Variants in CDH4 observed in about 807,000 individuals in gnomAD.
The protein encoded by CDH4 is cadherin-4.
CDH4 carries 33 observed loss-of-function variants against 86.0 expected under a neutral mutation model. The ratio of observed to expected loss-of-function variants is 0.38; its 90% CI spans 0.29 to 0.51. The LOEUF (loss-of-function observed/expected upper bound fraction) is 0.51, where lower values mean the gene tolerates loss of function less well. Ranked by LOEUF, CDH4 falls within the 20% of genes least tolerant of loss-of-function variation. The pLI is 0.86. For missense variants in CDH4, 1,114 were observed against 1,307.4 expected (o/e 0.85, Z 2.28); for synonymous variants, 555 against 549.4 (o/e 1.01, Z -0.14).
At chr20:61,804,506 G>A (rs997107814) in intron 4 of CDH4, among the ~76,000 whole-genome samples, 4 of 152,184 alleles carry the variant, frequency 2.6e-5, no homozygotes, top group African/African-American at 9.7e-5. Context: ...CTGGACCTCT[G>A]AGCCACACCG....
intron 2 of CDH4, chr20:61,718,685 A>G (rs963138450): frequency 2.4e-6 from 1 of 413,248 alleles, no homozygotes. Context: ...AGGAGCCTGC[A>G]TGACACTGTG....
rs2087515563 is a variant in CDH4 at position 61,681,719 on chromosome 20, G to A, written c.170-61844G>A. Among the ~76,000 whole-genome samples, 1 of 152,224 alleles carries A rather than the reference G, an allele frequency of 6.6e-6. No homozygotes were observed. The highest frequency in any genetic ancestry group is 1.5e-5 in the Non-Finnish European group (1 of 68,034). ...GGCATCGGGAAAGTCCGGGCTCAGT[G>A]CATGTGGAGCTGCCACCCTAGAAAG... On this transcript the variant is annotated intron_variant, in intron 2 of 15. Transcript: ENST00000614565. The surrounding 1 kb of genome is among the most constrained non-coding windows in gnomAD (Gnocchi z 4.5).
chr20:61,294,758 G>A (rs2084342811), intron 2 of CDH4, among the ~76,000 whole-genome samples: 1 of 152,260 alleles, frequency 6.6e-6, no homozygotes, highest in Non-Finnish European at 1.5e-5. Flanking sequence ...CCTGACAACA[G>A]AGCTGAAAGC....
chr20:61,860,762 C>G (rs757765818), intron 6 of CDH4, among the ~76,000 whole-genome samples: 2 of 152,216 alleles, frequency 1.3e-5, no homozygotes, highest in Non-Finnish European at 2.9e-5. Flanking sequence ...CAAGCCACAG[C>G]TGGTTTCCCC....
intron 6 of CDH4, among the ~76,000 whole-genome samples, chr20:61,872,950 G>A (rs1269584209): frequency 6.6e-6 from 1 of 152,162 alleles, no homozygotes; most frequent in Non-Finnish European, 1.5e-5. Context: ...GGTGGGGCGT[G>A]CTGATGCAGG....
At chr20:61,648,652 C>T (rs746710382) in intron 2 of CDH4, among the ~76,000 whole-genome samples, 1 of 152,160 alleles carries the variant, frequency 6.6e-6, no homozygotes, top group African/African-American at 2.4e-5. Context: ...GGGTGAATGG[C>T]GAGAAGAGCT....
chr20:61,797,611 C>A (rs1406797631), intron 4 of CDH4, among the ~76,000 whole-genome samples: 1 of 151,258 alleles, frequency 6.6e-6, no homozygotes, highest in Admixed American at 6.6e-5. Flanking sequence ...ATAGCAAGAT[C>A]CCATCTCTAC....
At chr20:61,432,457 C>A (rs2085253104) in intron 2 of CDH4, among the ~76,000 whole-genome samples, 1 of 152,146 alleles carries the variant, frequency 6.6e-6, no homozygotes, top group African/African-American at 2.4e-5. Flanking sequence ...GTGTCTGTTT[C>A]CATCATTTAA....
chr20:61,684,405 G>A lies in CDH4; in HGVS notation c.170-59158G>A, dbSNP rs2087552124. ...CGTCTTGCTTATGCTGGTTAAGTAG[G>A]TCTGATGTTAACCAAGCCAAAATGC... On this transcript the variant is annotated intron_variant, in intron 2 of 15. Transcript: ENST00000614565. This position sits in a 1 kb window ranked among gnomAD's most constrained non-coding sequence, Gnocchi z 4.5. 6.6e-6 allele frequency among the ~76,000 whole-genome samples: 1 copy of A among 152,210 alleles called. No individual in the cohort carries two copies. The highest frequency in any genetic ancestry group is 2.1e-4 in the South Asian group (1 of 4,836).
At chr20:61,792,737 A>C (rs1421356396) in intron 4 of CDH4, among the ~76,000 whole-genome samples, 4 of 150,922 alleles carry the variant, frequency 2.7e-5, no homozygotes, top group Non-Finnish European at 5.9e-5. Flanking sequence ...TGCAACCTCC[A>C]CCTCCCAGGT....
At chr20:61,459,229 C>T (rs1380431983) in intron 2 of CDH4, among the ~76,000 whole-genome samples, 3 of 152,026 alleles carry the variant, frequency 2.0e-5, no homozygotes, top group African/African-American at 4.8e-5. Context: ...GTGGGAGTAT[C>T]GCTTTATCCC....
At chr20:61,929,388 T>G (rs2055080687) in intron 12 of CDH4, among the ~76,000 whole-genome samples, 1 of 152,210 alleles carries the variant, frequency 6.6e-6, no homozygotes, top group Non-Finnish European at 1.5e-5. Context: ...TCTGCCCACC[T>G]CAGCCTCCCA....
At chr20:61,779,072 C>T (rs1185209232) in intron 4 of CDH4, among the ~76,000 whole-genome samples, 1 of 152,174 alleles carries the variant, frequency 6.6e-6, no homozygotes, top group East Asian at 1.9e-4. Context: ...TTTAAAACGC[C>T]ACTTGCTTGG....
intron 2 of CDH4, among the ~76,000 whole-genome samples, chr20:61,314,800 C>T (rs963684191): frequency 6.6e-6 from 1 of 152,172 alleles, no homozygotes; most frequent in South Asian, 2.1e-4. Flanking sequence ...TTGTTATCCT[C>T]GTCGTTTTGA....
intron 2 of CDH4, among the ~76,000 whole-genome samples, chr20:61,635,339 T>C (rs1252487878): frequency 6.6e-6 from 1 of 152,124 alleles, no homozygotes; most frequent in Non-Finnish European, 1.5e-5. Context: ...TCCTAAGGAT[T>C]GTGAAATGGT....
At position 61,623,022 on chromosome 20, in the gene CDH4, CCAGT is replaced by C. The variant is rs2086792410; in HGVS notation, c.170-120538_170-120535del. On this transcript the variant is annotated intron_variant, in intron 2 of 15. Coordinates refer to ENST00000614565, the MANE Select transcript of CDH4 (RefSeq NM_001794.5). The surrounding 1 kb of genome is among the most constrained non-coding windows in gnomAD (Gnocchi z 4.4). ...GGCCTGTTACCAACATGGACCACAA[CCAGT>C]CATTTAAGACAGTCAGGGAAACAAA... 1.3e-5 allele frequency among the ~76,000 whole-genome samples: 2 copies of C among 152,170 alleles called. No homozygotes were observed. The highest frequency in any genetic ancestry group is 2.4e-5 in the African/African-American group (1 of 41,426).
At chr20:61,791,218 C>T (rs1221295587) in intron 4 of CDH4, among the ~76,000 whole-genome samples, 1 of 152,240 alleles carries the variant, frequency 6.6e-6, no homozygotes, top group Non-Finnish European at 1.5e-5. Context: ...GACAATTCTT[C>T]CAGGTGTTTG....
At chr20:61,590,598 GA>G (rs1449184786) in intron 2 of CDH4, among the ~76,000 whole-genome samples, 4 of 152,224 alleles carry the variant, frequency 2.6e-5, no homozygotes, top group Non-Finnish European at 4.4e-5. Context: ...CTAGGGAGGA[GA>G]GGGGGCTGGA....
chr20:61,805,939 C>T (rs541863022), intron 4 of CDH4, among the ~76,000 whole-genome samples: 46 of 152,296 alleles, frequency 3.0e-4, no homozygotes, highest in African/African-American at 5.3e-4. Flanking sequence ...ATCACTCACT[C>T]GGTGTCCACT....
Sources: gnomAD v4.1 joint callset for allele counts (sites outside exome capture counted in the v4.1 genomes callset) on GRCh38, gnomAD v4.1.1 for gene constraint, Gnocchi (gnomAD v3.1) non-coding constraint, MANE v1.5 for transcripts, NCBI Gene and HGNC (gene_info 2026-07-23, HGNC 2026-07-21) for gene names.